RP1: variants seen among roughly 807,000 people sequenced by gnomAD.
RP1 encodes oxygen-regulated protein 1.
RP1 carries 16 observed loss-of-function variants against 14.8 expected under a neutral mutation model. The ratio of observed to expected loss-of-function variants is 1.08; its 90% CI spans 0.73 to 1.65. The LOEUF is 1.65. RP1 is among the 40% of genes most tolerant of loss of function. The probability of loss-of-function intolerance (pLI) is 0.00; values close to 1 mark genes in which losing one functional copy is unlikely to be tolerated. For missense variants in RP1, 2,631 were observed against 2,535.0 expected (o/e 1.04, Z -0.81); for synonymous variants, 876 against 883.6 (o/e 0.99, Z 0.15).
chr8:54,650,785 T>G (rs1806641312), intron 4 of RP1, among the ~76,000 whole-genome samples: 1 of 151,426 alleles, frequency 6.6e-6, no homozygotes, highest in South Asian at 2.1e-4. Context: ...TGAATTGCTG[T>G]AGCTAGAACT....
chr8:54,846,676 A>C (rs542319450), intron 25 of RP1, among the ~76,000 whole-genome samples: 12 of 152,184 alleles, frequency 7.9e-5, no homozygotes, highest in African/African-American at 1.7e-4. Flanking sequence ...CTTTTGGTCT[A>C]AAACTGACCA....
At chr8:54,663,594 G>T (rs1806945655) in intron 6 of RP1, 5 of 1,143,826 alleles carry the variant, frequency 4.4e-6, no homozygotes, top group South Asian at 4.7e-5. Flanking sequence ...CATCCACTGG[G>T]GATCTTGGAA....
At chr8:54,843,784 C>A (rs1811847389) in intron 25 of RP1, among the ~76,000 whole-genome samples, 1 of 152,176 alleles carries the variant, frequency 6.6e-6, no homozygotes, top group South Asian at 2.1e-4. Context: ...GCCATCCCTG[C>A]ACAGCATCGC....
At chr8:54,718,388 A>C (rs1361155955) in intron 15 of RP1, among the ~76,000 whole-genome samples, 1 of 152,216 alleles carries the variant, frequency 6.6e-6, no homozygotes, top group African/African-American at 2.4e-5. Context: ...ATGGAGCAGA[A>C]TAGAAAGCCT....
intron 1 of RP1, among the ~76,000 whole-genome samples, chr8:54,587,645 G>A (rs1304417001): frequency 6.6e-6 from 1 of 152,140 alleles, no homozygotes; most frequent in African/African-American, 2.4e-5. Context: ...CATTTCTGAA[G>A]GTTTGTTAGA....
At chr8:54,675,046 G>A (rs1807264060) in intron 8 of RP1, among the ~76,000 whole-genome samples, 2 of 151,992 alleles carry the variant, frequency 1.3e-5, no homozygotes, top group Non-Finnish European at 2.9e-5. Context: ...CTGAGTTTCT[G>A]TTAATTTTTT....
chr8:54,616,837 TGA>T (rs1160581472), intron 1 of RP1, among the ~76,000 whole-genome samples: 1 of 152,182 alleles, frequency 6.6e-6, no homozygotes, highest in Non-Finnish European at 1.5e-5. Flanking sequence ...GTCAAGTGAG[TGA>T]GAGAGTGAAG....
At chr8:54,600,800 C>T (rs1471203608) in intron 1 of RP1, among the ~76,000 whole-genome samples, 1 of 152,146 alleles carries the variant, frequency 6.6e-6, no homozygotes, top group African/African-American at 2.4e-5. Flanking sequence ...AGAGAGGTGA[C>T]TTTCATTGGA....
chr8:54,674,095 A>G (rs781078636), intron 8 of RP1, among the ~76,000 whole-genome samples: 1 of 152,202 alleles, frequency 6.6e-6, no homozygotes, highest in Non-Finnish European at 1.5e-5. Context: ...AAATTTAACT[A>G]GATGTATTTT....
At chr8:54,781,065 C>T (rs1223217263) in intron 23 of RP1, 1 of 983,742 alleles carries the variant, frequency 1.0e-6, no homozygotes, top group Non-Finnish European at 1.2e-6. Flanking sequence ...GAAAGTAAGC[C>T]TCCTAAGGCT....
intron 24 of RP1, among the ~76,000 whole-genome samples, chr8:54,809,683 C>A (rs546795437): frequency 3.2e-4 from 48 of 152,278 alleles, no homozygotes; most frequent in African/African-American, 1.1e-3. Flanking sequence ...AAATAGCACT[C>A]GCTCCTAGAA....
intron 6 of RP1, among the ~76,000 whole-genome samples, chr8:54,656,579 A>C (rs1806758965): frequency 6.6e-6 from 1 of 151,856 alleles, no homozygotes. Context: ...CATTTTTGAA[A>C]ATTTATCTAT....
intron 12 of RP1, among the ~76,000 whole-genome samples, chr8:54,692,694 T>G (rs1211835408): frequency 2.1e-5 from 3 of 144,220 alleles, no homozygotes; most frequent in African/African-American, 7.9e-5. Flanking sequence ...TTTGTTTGAG[T>G]TCATTGTAGA....
At chr8:54,811,437 A>G (rs1810991693) in intron 24 of RP1, among the ~76,000 whole-genome samples, 1 of 152,168 alleles carries the variant, frequency 6.6e-6, no homozygotes, top group Non-Finnish European at 1.5e-5. Context: ...TCCAACCTAA[A>G]CTATTTTAAG....
intron 24 of RP1, among the ~76,000 whole-genome samples, chr8:54,826,024 T>C (rs28477376): frequency 0.32 from 47,879 of 151,990 alleles, 7,702 homozygotes; most frequent in South Asian, 0.37. Context: ...AGCAGGATTG[T>C]AACCACTGCA....
chr8:54,630,743 C>T lies in RP1; in HGVS notation c.*390C>T. 2 of 1,026,914 alleles carry T rather than the reference C, an allele frequency of 1.9e-6. No homozygotes were observed. The highest frequency in any genetic ancestry group is 3.6e-5 in the South Asian group (1 of 27,508). 63.6% of individuals were successfully genotyped at this position (1,026,914 alleles called of 1,614,324 possible). A position where few individuals can be genotyped will look rare whatever the true frequency, so the allele number is the denominator to read the frequency against. On this transcript the variant is annotated 3_prime_UTR_variant, in exon 4 of 4. Coordinates refer to ENST00000220676, the MANE Select transcript of RP1 (RefSeq NM_006269.2). ...TGTATTGGTGAATAAATTGAATAGA[C>T]ATAACCTCAAAGTACTTCACTTATT...
At chr8:54,779,712 A>T (rs1810134800) in intron 23 of RP1, among the ~76,000 whole-genome samples, 1 of 152,208 alleles carries the variant, frequency 6.6e-6, no homozygotes, top group Non-Finnish European at 1.5e-5. Flanking sequence ...AACATTGGGA[A>T]GGAAACAGTT....
At chr8:54,676,896 T>C (rs1807306346) in intron 8 of RP1, among the ~76,000 whole-genome samples, 1 of 152,150 alleles carries the variant, frequency 6.6e-6, no homozygotes, top group Admixed American at 6.6e-5. Flanking sequence ...CAAGTAATTC[T>C]TTTTTGGGAG....
At chr8:54,689,226 G>T (rs1807646763) in intron 12 of RP1, among the ~76,000 whole-genome samples, 1 of 152,116 alleles carries the variant, frequency 6.6e-6, no homozygotes, top group African/African-American at 2.4e-5. Context: ...AGATGATGGG[G>T]TTTTCTAAAT....
Sources: allele counts gnomAD v4.1 joint callset (sites outside exome capture counted in the v4.1 genomes callset), GRCh38; gene constraint gnomAD v4.1.1; transcripts MANE v1.5; gene names NCBI Gene and HGNC (gene_info 2026-07-23, HGNC 2026-07-21).